The following DENND5B variants were observed in gnomAD, a reference collection of about 807,000 sequenced individuals.
DENND5B encodes DENN domain containing 5B.
In DENND5B, 34 loss-of-function variants were observed where a neutral mutation model predicts 140.6. That is an observed-to-expected ratio of 0.24 (90% confidence interval 0.18 to 0.32). The LOEUF (loss-of-function observed/expected upper bound fraction) is 0.32. Among genes scored for constraint, DENND5B ranks in the 10% least tolerant of loss-of-function variants. DENND5B has a pLI of 1.00. For missense variants in DENND5B, 1,142 were observed against 1,560.2 expected (o/e 0.73, Z 4.52); for synonymous variants, 551 against 562.1 (o/e 0.98, Z 0.28).
intron 1 of DENND5B, among the ~76,000 whole-genome samples, chr12:31,505,382 G>A (rs1947160418): frequency 6.6e-6 from 1 of 151,942 alleles, no homozygotes; most frequent in Non-Finnish European, 1.5e-5. Context: ...GGGACTACAG[G>A]TGTGCTACCA....
At chr12:31,570,130 G>A (rs1949766917) in intron 1 of DENND5B, among the ~76,000 whole-genome samples, 1 of 147,878 alleles carries the variant, frequency 6.8e-6, no homozygotes, top group Non-Finnish European at 1.5e-5. Flanking sequence ...GGGAGGTGGA[G>A]GTTGCAGTGA....
At chr12:31,536,201 CTTTTA>C (rs1214415067) in intron 1 of DENND5B, among the ~76,000 whole-genome samples, 1 of 152,064 alleles carries the variant, frequency 6.6e-6, no homozygotes, top group Non-Finnish European at 1.5e-5. Flanking sequence ...AATTAAACCT[CTTTTA>C]TTTATAAATT....
chr12:31,412,742 G>C (rs550588919), intron 13 of DENND5B, among the ~76,000 whole-genome samples: 1 of 152,152 alleles, frequency 6.6e-6, no homozygotes, highest in African/African-American at 2.4e-5. Context: ...CCTCCTCACA[G>C]AACTTTATTA....
intron 1 of DENND5B, among the ~76,000 whole-genome samples, chr12:31,588,831 G>A (rs1950495597): frequency 6.6e-6 from 1 of 152,168 alleles, no homozygotes; most frequent in African/African-American, 2.4e-5. Context: ...ACCGACTACA[G>A]ATAGATGCTT....
chr12:31,556,262 C>G (rs1024314730), intron 1 of DENND5B, among the ~76,000 whole-genome samples: 1 of 152,072 alleles, frequency 6.6e-6, no homozygotes, highest in Non-Finnish European at 1.5e-5. Flanking sequence ...TGGAGTGGAG[C>G]AGCATGACCT....
intron 1 of DENND5B, among the ~76,000 whole-genome samples, chr12:31,556,681 A>G (rs1949295441): frequency 1.3e-5 from 2 of 152,228 alleles, no homozygotes; most frequent in African/African-American, 2.4e-5. Context: ...ATAAAAATAG[A>G]AAACAAGAAA....
At chr12:31,400,672 G>A (rs1292152640) in intron 15 of DENND5B, among the ~76,000 whole-genome samples, 1 of 152,088 alleles carries the variant, frequency 6.6e-6, no homozygotes, top group African/African-American at 2.4e-5. Context: ...CAGGGTAAAT[G>A]GGGTGTCTGT....
intron 1 of DENND5B, among the ~76,000 whole-genome samples, chr12:31,565,329 G>A (rs1292049059): frequency 6.6e-6 from 1 of 152,220 alleles, no homozygotes; most frequent in African/African-American, 2.4e-5. Context: ...AGGAGGCAGA[G>A]GTTGCAGTGA....
chr12:31,452,184 T>G lies in DENND5B; in HGVS notation c.1385A>C (p.Lys462Thr), dbSNP rs778512678. ...TTTTTCCACAGCCACACCAGTACGC[T>G]TGGCCAGAGCCTGCAAGCGGGCTAT... is the stretch of plus-strand genomic sequence containing the variant. The part of the protein sequence containing the change: ...ETIARLQALA[K>T]RTGVAVEKMD... The change falls in exon 5 of 21, where the codon AAG (lysine) becomes ACG (threonine). Residue 462 changes from lysine to threonine, a missense_variant. Physicochemically the swap from Lys to Thr is moderately conservative, Grantham distance 78 (BLOSUM62 -1). Transcript: ENST00000389082. The G allele has an allele frequency of 6.2e-7, 1 of 1,614,002 alleles. No homozygotes were observed. Among genetic ancestry groups the G allele is most frequent in the Non-Finnish European group, 8.5e-7 (1 of 1,179,898 alleles).
At chr12:31,410,754 T>A (rs907055984) in intron 13 of DENND5B, among the ~76,000 whole-genome samples, 74 of 152,058 alleles carry the variant, frequency 4.9e-4, no homozygotes, top group African/African-American at 1.4e-3. Context: ...AAGTTAAATA[T>A]TTTGTCCGAG....
At chr12:31,488,011 A>T (rs1224356121) in intron 2 of DENND5B, among the ~76,000 whole-genome samples, 5 of 152,138 alleles carry the variant, frequency 3.3e-5, no homozygotes, top group African/African-American at 1.2e-4. Flanking sequence ...TCTGGTATGC[A>T]GTGGTGTGAT....
chr12:31,435,964 A>ATT (rs1286575212), intron 7 of DENND5B, among the ~76,000 whole-genome samples: 2 of 151,384 alleles, frequency 1.3e-5, no homozygotes, highest in African/African-American at 4.9e-5. Flanking sequence ...TGCTCAGCTA[A>ATT]TTTTTGTATT....
intron 14 of DENND5B, among the ~76,000 whole-genome samples, chr12:31,408,087 G>A (rs1942231074): frequency 6.6e-6 from 1 of 152,186 alleles, no homozygotes; most frequent in Non-Finnish European, 1.5e-5. Context: ...CCTGAGGTCA[G>A]GAGTTTGAGA....
intron 1 of DENND5B, among the ~76,000 whole-genome samples, chr12:31,565,859 T>C (rs1359343288): frequency 6.6e-6 from 1 of 152,094 alleles, no homozygotes; most frequent in African/African-American, 2.4e-5. Context: ...TAAAAAATAG[T>C]GGCCTGGCAC....
chr12:31,567,547 G>C (rs867964127), intron 1 of DENND5B, among the ~76,000 whole-genome samples: 190 of 39,064 alleles, frequency 4.9e-3, no homozygotes, highest in Non-Finnish European at 6.7e-3. Context: ...AAAAAAAAAA[G>C]CATCCTAATT....
At chr12:31,446,578 A>G (rs1944283165) in intron 6 of DENND5B, among the ~76,000 whole-genome samples, 1 of 152,192 alleles carries the variant, frequency 6.6e-6, no homozygotes, top group Non-Finnish European at 1.5e-5. Context: ...CCTTTCTTGG[A>G]TATAGAGAAG....
chr12:31,466,125 C>A (rs148844644), intron 3 of DENND5B, among the ~76,000 whole-genome samples: 1 of 152,098 alleles, frequency 6.6e-6, no homozygotes, highest in African/African-American at 2.4e-5. Context: ...GAGGCCAAGG[C>A]GGGCGGATCA....
chr12:31,536,588 A>G (rs1488602217), intron 1 of DENND5B, among the ~76,000 whole-genome samples: 1 of 152,126 alleles, frequency 6.6e-6, no homozygotes. Flanking sequence ...AATAGCCTCA[A>G]AAGGGCAAAC....
chr12:31,399,574 TG>T, intron 16 of DENND5B, 79 bp downstream of exon 16: 2 of 1,169,182 alleles, frequency 1.7e-6, no homozygotes, highest in South Asian at 1.5e-5. Flanking sequence ...CCACTGTGCC[TG>T]GCCTACAATT....
Sources: gnomAD v4.1 joint callset for allele counts (sites outside exome capture counted in the v4.1 genomes callset) on GRCh38, gnomAD v4.1.1 for gene constraint, MANE v1.5 for transcripts, NCBI Gene and HGNC (gene_info 2026-07-23, HGNC 2026-07-21) for gene names.